The following CDH13 variants were observed in gnomAD, a reference collection of about 807,000 sequenced individuals.
The protein encoded by CDH13 is cadherin-13.
In CDH13, 24 loss-of-function variants were observed where a neutral mutation model predicts 63.8. The observed-to-expected ratio is 0.38, with a 90% CI of 0.27 to 0.53. The LOEUF is 0.53. Ranked by LOEUF, CDH13 falls within the 20% of genes least tolerant of loss-of-function variation. CDH13 has a pLI of 0.85. For synonymous variants in CDH13, 503 were observed against 355.3 expected (o/e 1.42, Z -4.67); for missense variants, 1,049 against 903.1 (o/e 1.16, Z -2.07).
chr16:83,673,791 G>A (rs1474730953), intron 9 of CDH13, among the ~76,000 whole-genome samples: 1 of 152,222 alleles, frequency 6.6e-6, no homozygotes, highest in East Asian at 1.9e-4. Flanking sequence ...TGGTTCTGTT[G>A]TTCACAGGGC....
intron 3 of CDH13, among the ~76,000 whole-genome samples, chr16:83,046,426 C>G (rs986785123): frequency 6.6e-6 from 1 of 151,756 alleles, no homozygotes; most frequent in Admixed American, 6.6e-5. Flanking sequence ...CAAAGAAAGT[C>G]AATTCTCTAA....
At chr16:83,266,368 T>G (rs1401118247) in intron 5 of CDH13, among the ~76,000 whole-genome samples, 1 of 152,236 alleles carries the variant, frequency 6.6e-6, no homozygotes, top group African/African-American at 2.4e-5. Flanking sequence ...TGGTCCACTT[T>G]AATTTTTATG....
chr16:83,762,597 G>A (rs1047952537), intron 11 of CDH13, among the ~76,000 whole-genome samples: 1 of 152,142 alleles, frequency 6.6e-6, no homozygotes. Context: ...GCTGAAAACT[G>A]TCACAGGCGA....
intron 4 of CDH13, among the ~76,000 whole-genome samples, chr16:83,184,481 G>A (rs2038451881): frequency 1.3e-5 from 2 of 152,092 alleles, no homozygotes; most frequent in Admixed American, 1.3e-4. Context: ...GGGGCAGGGT[G>A]CGGTGGCTCA....
intron 3 of CDH13, among the ~76,000 whole-genome samples, chr16:83,111,501 A>G (rs2035057659): frequency 6.6e-6 from 1 of 152,246 alleles, no homozygotes; most frequent in Non-Finnish European, 1.5e-5. Context: ...CAAGTCGATC[A>G]TGAGGTTGCA....
At chr16:82,782,686 A>G (rs1269905966) in intron 1 of CDH13, among the ~76,000 whole-genome samples, 1 of 152,236 alleles carries the variant, frequency 6.6e-6, no homozygotes, top group Non-Finnish European at 1.5e-5. Context: ...ATGCATCTTG[A>G]CATCTTTGAC....
rs1030134567 is a variant in CDH13, at chr16:83,083,587, C to A, written c.367-41798C>A. Among the ~76,000 whole-genome samples, 10 of 152,180 alleles carry A rather than the reference C, an allele frequency of 6.6e-5. No individual in the cohort carries two copies. In the East Asian group the frequency reaches 1.9e-3, roughly 29 times the overall value. ...CCCCACCGAAATTCTGTTGTTTTCT[C>A]TAGTACTCTATGCTGCCTTCCAATA... On this transcript the variant is annotated intron_variant, in intron 3 of 13. Coordinates refer to ENST00000567109, the MANE Select transcript of CDH13 (RefSeq NM_001257.5).
chr16:83,530,661 C>G (rs1000458471), intron 7 of CDH13, among the ~76,000 whole-genome samples: 4 of 152,222 alleles, frequency 2.6e-5, no homozygotes, highest in African/African-American at 7.2e-5. Context: ...ACCACACACA[C>G]AAGGCTGCAG....
chr16:83,682,056 A>G (rs1242054851), intron 10 of CDH13, among the ~76,000 whole-genome samples: 3 of 152,146 alleles, frequency 2.0e-5, no homozygotes, highest in African/African-American at 7.2e-5. Flanking sequence ...CCTTGTGTTG[A>G]CTGCTGATGT....
At chr16:83,260,238 T>C (rs1906822223) in intron 5 of CDH13, among the ~76,000 whole-genome samples, 1 of 151,954 alleles carries the variant, frequency 6.6e-6, no homozygotes, top group South Asian at 2.1e-4. Context: ...ATACTGGTCA[T>C]GACCTATAAA....
At chr16:83,663,635 C>T (rs548350998) in intron 8 of CDH13, among the ~76,000 whole-genome samples, 4 of 152,152 alleles carry the variant, frequency 2.6e-5, no homozygotes, top group Non-Finnish European at 4.4e-5. Flanking sequence ...ATGACTCCGA[C>T]TCTTCAGGAG....
chr16:83,219,936 G>C (rs944483992), intron 5 of CDH13, among the ~76,000 whole-genome samples: 1 of 152,144 alleles, frequency 6.6e-6, no homozygotes, highest in African/African-American at 2.4e-5. Context: ...AGGAAGTTGT[G>C]CCTGGTTTGT....
At chr16:83,124,910 G>C (rs2035743358) in intron 3 of CDH13, among the ~76,000 whole-genome samples, 1 of 152,072 alleles carries the variant, frequency 6.6e-6, no homozygotes. Flanking sequence ...ATCCTGTTTT[G>C]GTTACTATAG....
chr16:82,861,443 C>A (rs567716336), intron 2 of CDH13, among the ~76,000 whole-genome samples: 5 of 152,292 alleles, frequency 3.3e-5, no homozygotes, highest in South Asian at 2.1e-4. Flanking sequence ...AGTATATCTA[C>A]CCCTACCCTA....
At position 83,678,087 on chromosome 16, in the gene CDH13, C is replaced by G. The variant is rs979366350; in HGVS notation, c.1285-121C>G. On this transcript the variant is annotated intron_variant, in intron 9 of 13. Transcript: ENST00000567109. ...CCCCCAGTTACACAGGCTTAGCCTCCAAAGCCCAGCTCCATCCCTGAAGGC... is the reference window on the plus strand; with the variant it reads ...CCCCCAGTTACACAGGCTTAGCCTCGAAAGCCCAGCTCCATCCCTGAAGGC... The G allele has an allele frequency of 9.4e-6, 9 of 959,834 alleles. No individual in the cohort carries two copies. In the African/African-American group the frequency reaches 1.1e-4, roughly 12 times the overall value. The allele number at this position is 959,834 out of a possible 1,614,324, so 59.5% of individuals were successfully genotyped here.
intron 5 of CDH13, among the ~76,000 whole-genome samples, chr16:83,252,793 GC>G (rs1344696679): frequency 6.6e-6 from 1 of 151,954 alleles, no homozygotes; most frequent in African/African-American, 2.4e-5. Flanking sequence ...AGCACAGCCT[GC>G]CCCCCACCCC....
chr16:83,738,339 G>A (rs754532669), intron 10 of CDH13, among the ~76,000 whole-genome samples: 23 of 152,336 alleles, frequency 1.5e-4, no homozygotes, highest in Non-Finnish European at 2.2e-4. Context: ...AAAAACGTGT[G>A]TGTTTATGTA....
intron 10 of CDH13, among the ~76,000 whole-genome samples, chr16:83,703,587 A>C (rs1190603391): frequency 4.6e-5 from 7 of 152,246 alleles, no homozygotes; most frequent in Admixed American, 3.9e-4. Context: ...AAAATGTCTA[A>C]GGATAGGAGC....
chr16:83,301,880 G>T (rs186825101), intron 5 of CDH13, among the ~76,000 whole-genome samples: 1 of 151,860 alleles, frequency 6.6e-6, no homozygotes, highest in Non-Finnish European at 1.5e-5. Flanking sequence ...GGAGAGGGGT[G>T]CTCTGGTTCT....
Sources: gnomAD v4.1 joint callset for allele counts (sites outside exome capture counted in the v4.1 genomes callset) on GRCh38, gnomAD v4.1.1 for gene constraint, MANE v1.5 for transcripts, NCBI Gene and HGNC (gene_info 2026-07-23, HGNC 2026-07-21) for gene names.